The following MBOAT2 variants were observed in gnomAD, a reference collection of about 807,000 sequenced individuals.
MBOAT2 encodes membrane bound glycerophospholipid O-acyltransferase 2.
Under a neutral mutation model 63.4 loss-of-function variants are expected in MBOAT2, and 28 were observed. That is an observed-to-expected ratio of 0.44 (90% confidence interval 0.33 to 0.61). The LOEUF (loss-of-function observed/expected upper bound fraction) is 0.61. Ranked by LOEUF, MBOAT2 falls within the 20% of genes least tolerant of loss-of-function variation. The pLI, the probability that MBOAT2 is intolerant of heterozygous loss-of-function variation, is 0.03. For synonymous variants in MBOAT2, 211 were observed against 215.6 expected, an observed-to-expected ratio of 0.98 and a Z score of 0.19; for missense variants, 470 against 605.8, an observed-to-expected ratio of 0.78 and a Z score of 2.35.
intron 9 of MBOAT2, among the ~76,000 whole-genome samples, chr2:8,867,750 G>A (rs928451658): frequency 2.0e-5 from 3 of 152,130 alleles, no homozygotes; most frequent in Non-Finnish European, 4.4e-5. Context: ...GCAGTATATG[G>A]TTTAGGTCAC....
chr2:8,990,755 A>T (rs1022167346), intron 1 of MBOAT2, among the ~76,000 whole-genome samples: 1 of 152,204 alleles, frequency 6.6e-6, no homozygotes, highest in Non-Finnish European at 1.5e-5. Context: ...GGTCTAATAG[A>T]CAGCTGAGGC....
Position 9,003,445 on chromosome 2 carries a change from G to T in MBOAT2, c.75+95C>A. On this transcript the variant is annotated intron_variant, in intron 1 of 12. Coordinates refer to ENST00000305997, the MANE Select transcript of MBOAT2 (RefSeq NM_138799.4). The surrounding 1 kb of genome is among the most constrained non-coding windows in gnomAD (Gnocchi z 5.4). Reference sequence around the variant, plus strand: ...GGGGGGCACCGGGCGCCCGGCCCCAGCCCCCACCCTCCTCCCGGGCCCCCG... The same window carrying T: ...GGGGGGCACCGGGCGCCCGGCCCCATCCCCCACCCTCCTCCCGGGCCCCCG... The T allele has an allele frequency of 1.2e-6, 1 of 830,864 alleles. No homozygotes were observed. The highest frequency in any genetic ancestry group is 1.5e-6 in the Non-Finnish European group (1 of 650,408). 51.5% of individuals were successfully genotyped at this position (830,864 alleles called of 1,614,324 possible).
chr2:8,918,943 C>T (rs2148605621), intron 3 of MBOAT2, among the ~76,000 whole-genome samples: 1 of 152,286 alleles, frequency 6.6e-6, no homozygotes, highest in African/African-American at 2.4e-5. Context: ...TAGGCAACCA[C>T]CGATCATTTT....
At chr2:8,884,101 C>T (rs1182216285) in intron 5 of MBOAT2, among the ~76,000 whole-genome samples, 50 of 137,494 alleles carry the variant, frequency 3.6e-4, no homozygotes, top group South Asian at 9.9e-4. Flanking sequence ...TTGGGTGTGG[C>T]GGCGGGCGCC....
intron 5 of MBOAT2, 63 bp from the exon 6 acceptor site, chr2:8,882,628 T>C: frequency 2.8e-6 from 4 of 1,431,382 alleles, no homozygotes; most frequent in South Asian, 1.1e-5. Flanking sequence ...TTTTTGCCCA[T>C]GCACACTTTC....
intron 3 of MBOAT2, among the ~76,000 whole-genome samples, chr2:8,920,613 G>A (rs1666502273): frequency 6.6e-6 from 1 of 150,612 alleles, no homozygotes; most frequent in South Asian, 2.1e-4. Context: ...ATCTATAGAT[G>A]AATTTGTGAA....
rs114419690 is a variant in MBOAT2 at position 8,987,453 on chromosome 2, C to A, written c.75+16087G>T. 3.6e-3 allele frequency among the ~76,000 whole-genome samples: 542 copies of A among 152,218 alleles called. 6 individuals are homozygous for A. The highest frequency in any genetic ancestry group is 6.2e-3 in the Non-Finnish European group (422 of 68,018). On this transcript the variant is annotated intron_variant, in intron 1 of 12. Transcript: ENST00000305997. Reference sequence around the variant, plus strand: ...CATTTCACCATATTTAAGTTACATTCGATTAAAATTTTTTAAAAATATATG... The same window carrying A: ...CATTTCACCATATTTAAGTTACATTAGATTAAAATTTTTTAAAAATATATG...
chr2:8,902,046 T>C (rs1198944819), intron 4 of MBOAT2, among the ~76,000 whole-genome samples: 2 of 152,182 alleles, frequency 1.3e-5, no homozygotes, highest in East Asian at 3.9e-4. Context: ...CGGAGCTGAA[T>C]GGCTTTCCTC....
chr2:8,869,208 ATT>A (rs750568440), intron 8 of MBOAT2, among the ~76,000 whole-genome samples: 89 of 124,936 alleles, frequency 7.1e-4, no homozygotes, highest in South Asian at 4.5e-3. Context: ...CATCATGCCT[ATT>A]TTTTTTTTTT....
chr2:8,938,105 A>AT (rs1186960451), intron 3 of MBOAT2, among the ~76,000 whole-genome samples: 2 of 152,104 alleles, frequency 1.3e-5, no homozygotes, highest in African/African-American at 2.4e-5. Context: ...CAGATCATAC[A>AT]TTTTTTTATA....
intron 4 of MBOAT2, among the ~76,000 whole-genome samples, chr2:8,907,749 C>T (rs1191121238): frequency 1.3e-5 from 2 of 152,146 alleles, no homozygotes; most frequent in Non-Finnish European, 2.9e-5. Context: ...TTTTTAAAAT[C>T]TGTGTAGTAA....
intron 3 of MBOAT2, among the ~76,000 whole-genome samples, chr2:8,930,289 T>C (rs879582779): frequency 5.9e-5 from 9 of 152,214 alleles, no homozygotes; most frequent in Non-Finnish European, 1.3e-4. Flanking sequence ...CTAACACTGT[T>C]CTCATTGTTC....
In MBOAT2 at chr2:8,909,267, T is replaced by C. The variant is rs574695075; in HGVS notation, c.300-551A>G. 1.4e-3 allele frequency among the ~76,000 whole-genome samples: 213 copies of C among 152,292 alleles called. 2 individuals carry two copies. Among genetic ancestry groups the C allele is most frequent in the Middle Eastern group, 3.4e-3 (1 of 294 alleles). ...CATAGCATGGGAAAAAGAACTTATA[T>C]ATCAACAGGAGAGAACAGAAACCCA... On this transcript the variant is annotated intron_variant, in intron 3 of 12. Coordinates refer to ENST00000305997, the MANE Select transcript of MBOAT2 (RefSeq NM_138799.4).
intron 1 of MBOAT2, among the ~76,000 whole-genome samples, chr2:8,979,150 T>C (rs544463714): frequency 9.3e-4 from 141 of 152,284 alleles, no homozygotes; most frequent in African/African-American, 3.3e-3. Flanking sequence ...TATGGATATG[T>C]TGACTTGATT....
intron 3 of MBOAT2, among the ~76,000 whole-genome samples, chr2:8,917,495 T>C (rs1384426838): frequency 6.6e-6 from 1 of 152,168 alleles, no homozygotes; most frequent in Non-Finnish European, 1.5e-5. Flanking sequence ...ATGTTTGACA[T>C]CATTAATCAT....
chr2:8,919,265 C>T (rs943897256), intron 3 of MBOAT2, among the ~76,000 whole-genome samples: 1 of 152,156 alleles, frequency 6.6e-6, no homozygotes, highest in Non-Finnish European at 1.5e-5. Context: ...ATTTTCAGGG[C>T]ATATGGTAAG....
At chr2:8,884,040 T>C (rs931844469) in intron 5 of MBOAT2, among the ~76,000 whole-genome samples, 1 of 144,568 alleles carries the variant, frequency 6.9e-6, no homozygotes, top group Non-Finnish European at 1.5e-5. Flanking sequence ...CTGGCCAACA[T>C]GGTGAAACCT....
In MBOAT2 at chr2:8,856,904, A is replaced by G. The variant is rs568811696; in HGVS notation, c.*1775T>C. The G allele has an allele frequency of 2.0e-5, 3 of 152,292 alleles. No individual in the cohort carries two copies. The South Asian group carries it at 6.2e-4, about 32-fold the overall frequency. 9.4% of individuals were successfully genotyped at this position (152,292 alleles called of 1,614,324 possible). A position where few individuals can be genotyped will look rare whatever the true frequency, so the allele number is the denominator to read the frequency against. Reference sequence around the variant, plus strand: ...ACAGAGGAAATTTATTTAGTTATCAATCCTTTCCTGGGTAGGGTTAGCCTT... The same window carrying G: ...ACAGAGGAAATTTATTTAGTTATCAGTCCTTTCCTGGGTAGGGTTAGCCTT... On this transcript the variant is annotated 3_prime_UTR_variant, in exon 13 of 13. Transcript: ENST00000305997. The surrounding 1 kb of genome is among the most constrained non-coding windows in gnomAD (Gnocchi z 4.2).
chr2:8,975,360 C>A (rs1271760409), intron 1 of MBOAT2, among the ~76,000 whole-genome samples: 2 of 152,044 alleles, frequency 1.3e-5, no homozygotes, highest in Admixed American at 6.6e-5. Context: ...CACTCACTGG[C>A]CTGTGAGTCT....
Sources: allele counts gnomAD v4.1 joint callset (sites outside exome capture counted in the v4.1 genomes callset), GRCh38; gene constraint gnomAD v4.1.1; non-coding constraint Gnocchi (gnomAD v3.1); transcripts MANE v1.5; gene names NCBI Gene and HGNC (gene_info 2026-07-23, HGNC 2026-07-21).